Variants in CHRNA7 observed in about 807,000 individuals in gnomAD.
CHRNA7 encodes neuronal acetylcholine receptor subunit alpha-7.
A neutral mutation model predicts 48.0 loss-of-function variants in CHRNA7; 17 were observed. The ratio of observed to expected loss-of-function variants is 0.35; its 90% CI spans 0.24 to 0.53. The LOEUF (loss-of-function observed/expected upper bound fraction) is 0.53. Among genes scored for constraint, CHRNA7 ranks in the 20% least tolerant of loss-of-function variants. CHRNA7 has a pLI of 0.92. For synonymous variants in CHRNA7, 75 were observed against 242.3 expected (o/e 0.31, Z 6.41); for missense variants, 155 against 577.7 (o/e 0.27, Z 7.50).
intron 4 of CHRNA7, among the ~76,000 whole-genome samples, chr15:32,151,919 T>A (rs1278115025): frequency 6.6e-6 from 1 of 152,192 alleles, no homozygotes; most frequent in Non-Finnish European, 1.5e-5. Flanking sequence ...TGAGGCTCTG[T>A]AGTCATGGGC....
intron 2 of CHRNA7, among the ~76,000 whole-genome samples, chr15:32,051,489 G>A (rs187873204): frequency 6.6e-6 from 1 of 152,148 alleles, no homozygotes; most frequent in Non-Finnish European, 1.5e-5. Flanking sequence ...TGCCGTTTCC[G>A]AAGCCCGTCA....
intron 2 of CHRNA7, among the ~76,000 whole-genome samples, chr15:32,091,414 C>G (rs2050379761): frequency 6.6e-6 from 1 of 152,134 alleles, no homozygotes; most frequent in Non-Finnish European, 1.5e-5. Context: ...TCTGGGTCCT[C>G]AAGTTTTACT....
intron 4 of CHRNA7, among the ~76,000 whole-genome samples, chr15:32,151,256 CT>C (rs1329026483): frequency 2.0e-5 from 3 of 152,124 alleles, no homozygotes; most frequent in Non-Finnish European, 4.4e-5. Context: ...GTCCTCAGTA[CT>C]TTAACATCTT....
chr15:32,095,321 C>T (rs8028298), intron 2 of CHRNA7, among the ~76,000 whole-genome samples: 1 of 152,186 alleles, frequency 6.6e-6, no homozygotes. Flanking sequence ...CTCTCCTTAA[C>T]GTTATTGAAG....
chr15:32,128,106 T>C (rs1444138837), intron 4 of CHRNA7, among the ~76,000 whole-genome samples: 2 of 152,012 alleles, frequency 1.3e-5, no homozygotes, highest in Non-Finnish European at 2.9e-5. Flanking sequence ...AAAAATCAGT[T>C]GGGTATATTT....
intron 2 of CHRNA7, among the ~76,000 whole-genome samples, chr15:32,053,862 G>T (rs868080577): frequency 6.6e-6 from 1 of 152,210 alleles, no homozygotes; most frequent in African/African-American, 2.4e-5. Flanking sequence ...GCGTCAGCTC[G>T]TAGGTGTAGG....
chr15:32,146,446 G>A (rs2051490651), intron 4 of CHRNA7, among the ~76,000 whole-genome samples: 2 of 152,094 alleles, frequency 1.3e-5, no homozygotes, highest in African/African-American at 4.8e-5. Context: ...ATAATAAAAT[G>A]TTTATGAATA....
intron 4 of CHRNA7, among the ~76,000 whole-genome samples, chr15:32,143,369 A>G (rs1318801103): frequency 1.3e-5 from 2 of 152,158 alleles, no homozygotes; most frequent in Admixed American, 6.5e-5. Flanking sequence ...AATAAGTGCA[A>G]TGTGGTGCTG....
chr15:32,030,688 GATCCCGGGCAC>G (rs1043126181), intron 1 of CHRNA7, 39 bp downstream of exon 1: 70 of 1,555,046 alleles, frequency 4.5e-5, no homozygotes, highest in African/African-American at 5.6e-5. Flanking sequence ...TCCTCCGTGG[GATCCCGGGCAC>G]ATCCCGGGCG....
intron 4 of CHRNA7, among the ~76,000 whole-genome samples, chr15:32,152,496 C>T (rs900907719): frequency 5.9e-5 from 9 of 152,158 alleles, no homozygotes; most frequent in Admixed American, 5.2e-4. Context: ...ACCAGGGCCA[C>T]GCGGGAGGCC....
At chr15:32,030,849 C>T in intron 1 of CHRNA7, 49 bp from the exon 2 acceptor site, 4 of 1,589,410 alleles carry the variant, frequency 2.5e-6, no homozygotes, top group Admixed American at 1.7e-5. Context: ...GTCGGGGGTA[C>T]CCCCGCCGGC....
chr15:32,115,266 AG>A (rs991303129), intron 4 of CHRNA7, among the ~76,000 whole-genome samples: 1 of 152,202 alleles, frequency 6.6e-6, no homozygotes, highest in Non-Finnish European at 1.5e-5. Context: ...CAAGGGTCAA[AG>A]TAAAGCCCCA....
intron 2 of CHRNA7, among the ~76,000 whole-genome samples, chr15:32,036,349 G>T (rs1045519440): frequency 6.6e-6 from 1 of 152,164 alleles, no homozygotes; most frequent in African/African-American, 2.4e-5. Context: ...AGAACATCTT[G>T]GTTGCCTCCA....
intron 2 of CHRNA7, among the ~76,000 whole-genome samples, chr15:32,068,890 G>T (rs898861687): frequency 1.3e-5 from 2 of 152,082 alleles, no homozygotes; most frequent in African/African-American, 4.8e-5. Flanking sequence ...GGGAGTAATA[G>T]ACAATTCAAC....
At chr15:32,112,897 T>A (rs1007772560) in intron 4 of CHRNA7, among the ~76,000 whole-genome samples, 1 of 152,244 alleles carries the variant, frequency 6.6e-6, no homozygotes, top group African/African-American at 2.4e-5. Context: ...TGGGCCCGTT[T>A]CTAGAAGAGT....
intron 2 of CHRNA7, among the ~76,000 whole-genome samples, chr15:32,094,077 G>T (rs2050426918): frequency 6.6e-6 from 1 of 152,096 alleles, no homozygotes; most frequent in Non-Finnish European, 1.5e-5. Context: ...TGTTTGTCAG[G>T]TTTAACGGTA....
chr15:32,136,225 T>C (rs896409922), intron 4 of CHRNA7, among the ~76,000 whole-genome samples: 5 of 152,172 alleles, frequency 3.3e-5, no homozygotes, highest in Non-Finnish European at 5.9e-5. Flanking sequence ...GCGCAGGGGC[T>C]CATGCCTGTA....
intron 2 of CHRNA7, among the ~76,000 whole-genome samples, chr15:32,049,556 G>C (rs2049625293): frequency 1.3e-5 from 2 of 152,096 alleles, no homozygotes; most frequent in South Asian, 4.2e-4. Flanking sequence ...ACGTGAGATG[G>C]GTTTCCTGAA....
chr15:32,052,654 G>T (rs1462925775), intron 2 of CHRNA7, among the ~76,000 whole-genome samples: 1 of 152,086 alleles, frequency 6.6e-6, no homozygotes, highest in African/African-American at 2.4e-5. Context: ...GCTTGAACCC[G>T]GGAGGCAGAG....
Sources: gnomAD v4.1 joint callset for allele counts (sites outside exome capture counted in the v4.1 genomes callset) on GRCh38, gnomAD v4.1.1 for gene constraint, MANE v1.5 for transcripts, NCBI Gene and HGNC (gene_info 2026-07-23, HGNC 2026-07-21) for gene names.